The following EIF4E variants were observed in gnomAD, a reference collection of about 807,000 sequenced individuals.
EIF4E encodes the protein eukaryotic translation initiation factor 4E.
For missense variants in EIF4E, 113 were observed against 265.6 expected, an observed-to-expected ratio of 0.43 and a Z score of 3.99; for synonymous variants, 71 against 88.5, an observed-to-expected ratio of 0.80 and a Z score of 1.11.
At position 98,887,114 on chromosome 4, in the gene EIF4E, TCTG is replaced by T; in HGVS notation, c.361_363del (p.Gln121del). 1 of 1,613,904 alleles carries T rather than the reference TCTG, an allele frequency of 6.2e-7. No individual in the cohort carries two copies. The highest frequency in any genetic ancestry group is 8.5e-7 in the Non-Finnish European group (1 of 1,179,900). On this transcript the variant is annotated inframe_deletion, in exon 5 of 7. Coordinates refer to ENST00000450253, the MANE Select transcript of EIF4E (RefSeq NM_001968.5). The surrounding 1 kb of genome is among the most constrained non-coding windows in gnomAD (Gnocchi z 4.0). The stretch of plus-strand genomic sequence containing the variant: ...CAAAAGCGATCGAGGTCACTTCGTC[TCTG>T]CTGTTTGTTCAATGTAATTAGCCAT...
At position 98,910,090 on chromosome 4, in the gene EIF4E, T is replaced by C. The variant is rs1461708104; in HGVS notation, c.19-8108A>G. On this transcript the variant is annotated intron_variant, in intron 1 of 6. Transcript: ENST00000450253. ...ACTGCCTCAGGCTATTAAACTGTTT[T>C]GGTTTTTAGCTTTCAAACATCTATT... 7 of 231,268 alleles carry C rather than the reference T, an allele frequency of 3.0e-5. No homozygotes were observed. The Admixed American group carries it at 4.0e-4, about 13-fold the overall frequency. 14.3% of individuals were successfully genotyped at this position (231,268 alleles called of 1,614,324 possible). A position where few individuals can be genotyped will look rare whatever the true frequency, so the allele number is the denominator to read the frequency against.
At chr4:98,883,228 C>A (rs189861167) in intron 6 of EIF4E, among the ~76,000 whole-genome samples, 1 of 151,862 alleles carries the variant, frequency 6.6e-6, no homozygotes, top group African/African-American at 2.4e-5. Flanking sequence ...GCTGACATCG[C>A]GCTACTGCAC....
chr4:98,896,486 CAAAA>C (rs59729154), intron 2 of EIF4E, among the ~76,000 whole-genome samples: 1 of 39,024 alleles, frequency 2.6e-5, no homozygotes, highest in African/African-American at 1.2e-4. Context: ...CCGCATCTCT[CAAAA>C]AAAAAAAAAA....
intron 1 of EIF4E, among the ~76,000 whole-genome samples, chr4:98,908,784 G>T (rs758717585): frequency 6.6e-6 from 1 of 152,106 alleles, no homozygotes. Flanking sequence ...ATAATCCCGT[G>T]AAACAACCAT....
At chr4:98,928,674 C>T (rs964304142) in intron 1 of EIF4E, among the ~76,000 whole-genome samples, 1 of 152,076 alleles carries the variant, frequency 6.6e-6, no homozygotes, top group Non-Finnish European at 1.5e-5. Flanking sequence ...CTCCAGGGCT[C>T]CCTCCTCCAT....
intron 1 of EIF4E, among the ~76,000 whole-genome samples, chr4:98,927,345 T>C (rs1278750261): frequency 6.6e-6 from 1 of 152,160 alleles, no homozygotes; most frequent in African/African-American, 2.4e-5. Context: ...TAAGAGTTTT[T>C]GAAATAGTTT....
Position 98,880,892 on chromosome 4 carries a change from CT to C in EIF4E, c.*135del. The C allele has an allele frequency of 6.9e-7, 1 of 1,455,056 alleles. No individual in the cohort carries two copies. The highest frequency in any genetic ancestry group is 9.2e-7 in the Non-Finnish European group (1 of 1,086,620). 90.1% of individuals were successfully genotyped at this position (1,455,056 alleles called of 1,614,324 possible). A position where few individuals can be genotyped will look rare whatever the true frequency, so the allele number is the denominator to read the frequency against. ...CAAGACAAAGGCGAATGAGACTTCT[CT>C]TATATCTGAGTAACATTAAGATGGA... On this transcript the variant is annotated 3_prime_UTR_variant, in exon 7 of 7. Transcript: ENST00000450253.
intron 1 of EIF4E, among the ~76,000 whole-genome samples, chr4:98,922,139 C>T (rs1349146281): frequency 6.6e-6 from 1 of 152,152 alleles, no homozygotes; most frequent in Non-Finnish European, 1.5e-5. Flanking sequence ...TGAAAGAGTG[C>T]AACGGTTAAG....
intron 1 of EIF4E, among the ~76,000 whole-genome samples, chr4:98,911,675 A>G (rs1454570760): frequency 6.8e-6 from 1 of 147,626 alleles, no homozygotes; most frequent in Non-Finnish European, 1.5e-5. Flanking sequence ...AAAAAAAAAA[A>G]AAAAAAAAAA....
chr4:98,909,300 G>C (rs1487793729), intron 1 of EIF4E, among the ~76,000 whole-genome samples: 2 of 152,140 alleles, frequency 1.3e-5, no homozygotes, highest in African/African-American at 4.8e-5. Context: ...ACTTTAATGA[G>C]AACATTATTT....
intron 1 of EIF4E, chr4:98,928,855 C>A: frequency 6.5e-7 from 1 of 1,538,376 alleles, no homozygotes; most frequent in Non-Finnish European, 8.8e-7. Flanking sequence ...CGCCACGCCG[C>A]CCCTCCCCCA....
chr4:98,928,814 C>T (rs1721341763), intron 1 of EIF4E: 2 of 1,508,392 alleles, frequency 1.3e-6, no homozygotes, highest in Non-Finnish European at 1.8e-6. Context: ...CTACCCTCCA[C>T]CCTGTAGACA....
chr4:98,903,143 T>C (rs1724719820), intron 1 of EIF4E, among the ~76,000 whole-genome samples: 1 of 152,092 alleles, frequency 6.6e-6, no homozygotes, highest in Admixed American at 6.6e-5. Context: ...CTTCATACTA[T>C]CATAAATTGT....
intron 5 of EIF4E, 32 bp from the exon 6 acceptor site, chr4:98,885,093 G>C (rs753775224): frequency 1.3e-6 from 2 of 1,598,642 alleles, no homozygotes; most frequent in Non-Finnish European, 1.7e-6. Flanking sequence ...ACATTTAATA[G>C]ATTATAAACA....
chr4:98,914,519 T>C (rs1038654678), intron 1 of EIF4E, among the ~76,000 whole-genome samples: 31 of 151,442 alleles, frequency 2.0e-4, no homozygotes, highest in African/African-American at 7.3e-4. Flanking sequence ...TAGAAGGAAC[T>C]TAAATGTATA....
At chr4:98,892,495 A>G (rs555571638) in intron 2 of EIF4E, among the ~76,000 whole-genome samples, 2 of 151,944 alleles carry the variant, frequency 1.3e-5, no homozygotes, top group South Asian at 4.2e-4. Context: ...CCTGGCCAAC[A>G]TGGTGAAACC....
At chr4:98,918,715 C>A (rs1351544016) in intron 1 of EIF4E, among the ~76,000 whole-genome samples, 1 of 151,956 alleles carries the variant, frequency 6.6e-6, no homozygotes, top group Non-Finnish European at 1.5e-5. Context: ...GTAACATATA[C>A]CATCAGAAAA....
intron 1 of EIF4E, among the ~76,000 whole-genome samples, chr4:98,904,580 G>C (rs1724786099): frequency 6.6e-6 from 1 of 152,194 alleles, no homozygotes; most frequent in South Asian, 2.1e-4. Flanking sequence ...AGACCAGCCT[G>C]GCCGACATGG....
At chr4:98,917,905 GT>G (rs926501819) in intron 1 of EIF4E, among the ~76,000 whole-genome samples, 25 of 151,826 alleles carry the variant, frequency 1.6e-4, no homozygotes, top group Non-Finnish European at 3.4e-4. Flanking sequence ...ATGAAACTCC[GT>G]TTTTACTAAA....
Sources: gnomAD v4.1 joint callset for allele counts (sites outside exome capture counted in the v4.1 genomes callset) on GRCh38, gnomAD v4.1.1 for gene constraint, Gnocchi (gnomAD v3.1) non-coding constraint, MANE v1.5 for transcripts, NCBI Gene and HGNC (gene_info 2026-07-23, HGNC 2026-07-21) for gene names.